Variants in DNAH8 observed in about 807,000 individuals in gnomAD.
DNAH8 encodes the protein axonemal beta dynein heavy chain 8.
Under a neutral mutation model 562.1 loss-of-function variants are expected in DNAH8, and 382 were observed. That is an observed-to-expected ratio of 0.68 (90% CI 0.63 to 0.74). The LOEUF (loss-of-function observed/expected upper bound fraction) is 0.74, where lower values mean the gene tolerates loss of function less well. Ranked by LOEUF, DNAH8 falls within the 30% of genes least tolerant of loss-of-function variation. The probability of loss-of-function intolerance (pLI) is 0.00; values close to 1 mark genes in which losing one functional copy is unlikely to be tolerated. For synonymous variants in DNAH8, 1,881 were observed against 1,919.4 expected, an observed-to-expected ratio of 0.98 and a Z score of 0.52; for missense variants, 5,203 against 5,620.4, an observed-to-expected ratio of 0.93 and a Z score of 2.37.
At chr6:38,924,509 C>G (rs61107059) in intron 73 of DNAH8, among the ~76,000 whole-genome samples, 14 of 151,376 alleles carry the variant, frequency 9.2e-5, no homozygotes, top group East Asian at 3.9e-4. Context: ...CATCCCCCCC[C>G]CAAAAAAAAG....
In DNAH8 at chr6:38,803,257, A is replaced by T. The variant is rs141818413; in HGVS notation, c.2980A>T (p.Ile994Leu). The T allele has an allele frequency of 4.6e-5, 74 of 1,609,684 alleles. 1 individual carries two copies. The African/African-American group carries it at 7.1e-4, about 15-fold the overall frequency. Residue 994 changes from isoleucine to leucine, a missense_variant, in exon 22 of 93, where the codon ATA becomes TTA. Transcript: ENST00000327475. Reference sequence around the variant, plus strand: ...AGAAGCTGTCAGAGAACTTATATCAATATTTGAGCAGATTTATGAAGTGAA... The same window carrying T: ...AGAAGCTGTCAGAGAACTTATATCATTATTTGAGCAGATTTATGAAGTGAA... ...VEEAVRELIS[I>L]FEQIYEVKYT... is the part of the protein sequence containing the mutation.
intron 49 of DNAH8, among the ~76,000 whole-genome samples, chr6:38,871,904 A>G (rs891158909): frequency 3.3e-5 from 5 of 152,182 alleles, no homozygotes; most frequent in African/African-American, 1.2e-4. Flanking sequence ...CAGGTGGAGC[A>G]ATCTTTGAGG....
In DNAH8 at chr6:38,938,241, C is replaced by T; in HGVS notation, c.11816+15C>T. ...TCCATGGCCAGGTGAGTCCTCACTA[C>T]CTTCATCCAAAAGTGGTGACTTAAA... On this transcript the variant is annotated intron_variant, in intron 78 of 92. Coordinates refer to ENST00000327475, the MANE Select transcript of DNAH8 (RefSeq NM_001206927.2). 1.9e-6 allele frequency: 3 copies of T among 1,590,368 alleles called. No individual in the cohort carries two copies.
chr6:38,804,400 G>A (rs941674462), intron 22 of DNAH8, among the ~76,000 whole-genome samples: 3 of 152,200 alleles, frequency 2.0e-5, no homozygotes, highest in Non-Finnish European at 4.4e-5. Flanking sequence ...AATAAGAACT[G>A]ATTAGGTAAA....
At chr6:38,997,034 C>T (rs1204012511) in intron 88 of DNAH8, among the ~76,000 whole-genome samples, 1 of 152,184 alleles carries the variant, frequency 6.6e-6, no homozygotes, top group Non-Finnish European at 1.5e-5. Context: ...CTCCTCTGTT[C>T]TCTCTTCATC....
rs375966674 is a variant in DNAH8, at chr6:38,755,967, G to A, written c.1408-5G>A. On this transcript the variant is annotated splice_region_variant and splice_polypyrimidine_tract_variant and intron_variant, in intron 9 of 92. Coordinates refer to ENST00000327475, the MANE Select transcript of DNAH8 (RefSeq NM_001206927.2). ...TGGAATTCACTTAATTTGTTTCAAT[G>A]TTAGGTTTCCATGGCACATGGAATA... 2 of 1,538,408 alleles carry A rather than the reference G, an allele frequency of 1.3e-6. No individual in the cohort carries two copies. The highest frequency in any genetic ancestry group is 1.4e-5 in the African/African-American group (1 of 73,438).
At position 38,756,037 on chromosome 6, in the gene DNAH8, G is replaced by A. The variant is rs1157664967; in HGVS notation, c.1473G>A (p.Arg491=). Residue 491 remains arginine, a synonymous_variant, in exon 10 of 93, where the codon AGG becomes AGA. Coordinates refer to ENST00000327475, the MANE Select transcript of DNAH8 (RefSeq NM_001206927.2). ...NAIRMIHGVS[R]YYNTSERMTS... ...TCAGAATGATTCACGGTGTGTCAAGGTATTATAATACCTCAGAGAGAATGA... is the reference window on the plus strand; with the variant it reads ...TCAGAATGATTCACGGTGTGTCAAGATATTATAATACCTCAGAGAGAATGA... The A allele has an allele frequency of 2.5e-6, 4 of 1,608,880 alleles. No homozygotes were observed. Among genetic ancestry groups the A allele is most frequent in the Non-Finnish European group, 2.6e-6 (3 of 1,175,870 alleles).
chr6:38,887,960 C>T lies in DNAH8; in HGVS notation c.8473+956C>T, dbSNP rs535977323. 2.2e-4 allele frequency among the ~76,000 whole-genome samples: 33 copies of T among 151,758 alleles called. No homozygotes were observed. The East Asian group carries it at 5.6e-3, about 26-fold the overall frequency. On this transcript the variant is annotated intron_variant, in intron 57 of 92. Coordinates refer to ENST00000327475, the MANE Select transcript of DNAH8 (RefSeq NM_001206927.2). ...CAAGCGATTCTCCTGCCTCAGCCTC[C>T]CAATTAGCTGGGATTACAGGCGCCT...
rs753062783 is a variant in DNAH8 at position 38,832,331 on chromosome 6, C to T, written c.4198C>T (p.Gln1400Ter). The T allele has an allele frequency of 5.3e-5, 86 of 1,608,622 alleles. No individual in the cohort carries two copies. Among genetic ancestry groups the T allele is most frequent in the Non-Finnish European group, 6.2e-5 (73 of 1,175,548 alleles). ...NKLQSKAVSV[Q>*]EDLVQVQPKF... ...TTCTTTTTTATTGTAGGTTTCAGTA[C>T]AAGAGGACCTAGTTCAAGTGCAGCC... Residue 1400 changes from glutamine (Q) to a stop codon, truncating the protein, a stop_gained, in exon 31 of 93, where the codon CAA (glutamine) becomes TAA (stop). Transcript: ENST00000327475. LOFTEE classifies it high-confidence loss of function.
intron 53 of DNAH8, among the ~76,000 whole-genome samples, chr6:38,881,920 G>A (rs182520232): frequency 3.1e-4 from 47 of 152,076 alleles, no homozygotes; most frequent in African/African-American, 9.2e-4. Context: ...GGTCTTTTCC[G>A]TCTTTTCAGT....
intron 9 of DNAH8, among the ~76,000 whole-genome samples, chr6:38,754,216 A>G (rs1765716347): frequency 6.6e-6 from 1 of 152,164 alleles, no homozygotes; most frequent in Non-Finnish European, 1.5e-5. Flanking sequence ...CTACTATTGT[A>G]AATAATGATG....
chr6:38,862,693 G>A (rs548646211), intron 44 of DNAH8, among the ~76,000 whole-genome samples: 5 of 152,070 alleles, frequency 3.3e-5, no homozygotes, highest in South Asian at 4.1e-4. Flanking sequence ...GTTAGATTAC[G>A]AAAATGGAAT....
chr6:39,023,278 G>C (rs1338317090), intron 91 of DNAH8, among the ~76,000 whole-genome samples: 1 of 152,162 alleles, frequency 6.6e-6, no homozygotes, highest in Admixed American at 6.5e-5. Context: ...GGATCACGAG[G>C]TCAGGAGATC....
intron 47 of DNAH8, 37 bp downstream of exon 47, chr6:38,866,913 A>G (rs762656936): frequency 1.1e-5 from 15 of 1,340,740 alleles, no homozygotes; most frequent in African/African-American, 5.8e-5. Flanking sequence ...TAGCAATAGT[A>G]TTTGGTTTTT....
chr6:38,832,157 C>T (rs1324167859), intron 30 of DNAH8, among the ~76,000 whole-genome samples, 165 bp from the exon 31 acceptor site: 1 of 152,130 alleles, frequency 6.6e-6, no homozygotes, highest in Non-Finnish European at 1.5e-5. Flanking sequence ...TGATTTGAGT[C>T]TCCTGTAGGT....
chr6:38,938,708 G>A (rs765645295), intron 78 of DNAH8, 90 bp from the exon 79 acceptor site: 29 of 855,772 alleles, frequency 3.4e-5, no homozygotes, highest in Non-Finnish European at 4.6e-5. Flanking sequence ...GTTTACCGAC[G>A]TACAAACCTT....
chr6:38,984,644 A>C (rs1372874752), intron 87 of DNAH8, among the ~76,000 whole-genome samples: 1 of 152,158 alleles, frequency 6.6e-6, no homozygotes, highest in Admixed American at 6.5e-5. Flanking sequence ...TACAAAAAGT[A>C]GCCGGGCGTG....
In DNAH8 at chr6:38,923,140, T is replaced by C; in HGVS notation, c.10745T>C (p.Ile3582Thr). 6.2e-7 allele frequency: 1 copy of C among 1,613,568 alleles called. No homozygotes were observed. The highest frequency in any genetic ancestry group is 2.2e-5 in the East Asian group (1 of 44,796). Reference protein sequence around the residue: ...TLIDGLSGEKIRWTQQSKEFK... With the variant: ...TLIDGLSGEKTRWTQQSKEFK... ...ATCGATGGGCTGAGTGGAGAAAAAA[T>C]CCGGTGGACCCAGCAAAGTAAAGAA... The change falls in exon 72 of 93, where the codon ATC becomes ACC. Residue 3582 changes from isoleucine (I) to threonine (T), a missense_variant. Transcript: ENST00000327475.
chr6:38,729,202 CA>C (rs1370179240), intron 3 of DNAH8, among the ~76,000 whole-genome samples: 1 of 129,500 alleles, frequency 7.7e-6, no homozygotes, highest in Non-Finnish European at 1.7e-5. Flanking sequence ...AACTCCGTCT[CA>C]AAACAAACAA....
Sources: gnomAD v4.1 joint callset for allele counts (sites outside exome capture counted in the v4.1 genomes callset) on GRCh38, gnomAD v4.1.1 for gene constraint, MANE v1.5 for transcripts, NCBI Gene and HGNC (gene_info 2026-07-23, HGNC 2026-07-21) for gene names.